Variants in NRCAM observed in about 807,000 individuals in gnomAD.
NRCAM encodes the protein neuronal cell adhesion molecule.
Under a neutral mutation model 156.5 loss-of-function variants are expected in NRCAM, and 83 were observed. The ratio of observed to expected loss-of-function variants is 0.53; its 90% confidence interval spans 0.44 to 0.64. The LOEUF (loss-of-function observed/expected upper bound fraction) is 0.64. Ranked by LOEUF, NRCAM falls within the 30% of genes least tolerant of loss-of-function variation. The probability of loss-of-function intolerance (pLI) is 0.00; values close to 1 mark genes in which losing one functional copy is unlikely to be tolerated. For synonymous variants in NRCAM, 538 were observed against 563.9 expected (o/e 0.95, Z 0.65); for missense variants, 1,417 against 1,597.3 (o/e 0.89, Z 1.92).
intron 13 of NRCAM, among the ~76,000 whole-genome samples, chr7:108,201,634 A>G (rs2078188825): frequency 6.6e-6 from 1 of 152,172 alleles, no homozygotes; most frequent in African/African-American, 2.4e-5. Flanking sequence ...AAAGCTCAAC[A>G]ATGTCAGTAG....
intron 1 of NRCAM, among the ~76,000 whole-genome samples, chr7:108,418,558 T>TAC (rs1491547189): frequency 4.2e-5 from 4 of 95,208 alleles, no homozygotes; most frequent in Admixed American, 1.2e-4. Flanking sequence ...GTATACATAT[T>TAC]ATACACACAC....
intron 4 of NRCAM, among the ~76,000 whole-genome samples, chr7:108,238,817 C>A (rs986998314): frequency 6.6e-6 from 1 of 151,990 alleles, no homozygotes; most frequent in Admixed American, 6.6e-5. Context: ...AAAAGCACTG[C>A]ATTTTATTGA....
intron 3 of NRCAM, among the ~76,000 whole-genome samples, chr7:108,244,465 T>A (rs1210309788): frequency 6.6e-6 from 1 of 152,134 alleles, no homozygotes; most frequent in Non-Finnish European, 1.5e-5. Flanking sequence ...AAGGAAGAAG[T>A]ACACAAATGC....
chr7:108,428,289 T>G (rs952014497), intron 1 of NRCAM, among the ~76,000 whole-genome samples: 5 of 152,166 alleles, frequency 3.3e-5, no homozygotes, highest in African/African-American at 1.2e-4. Flanking sequence ...GCTAGCATGG[T>G]GAAAAAAATT....
intron 1 of NRCAM, among the ~76,000 whole-genome samples, chr7:108,443,820 T>A (rs1461151606): frequency 6.6e-6 from 1 of 152,182 alleles, no homozygotes; most frequent in African/African-American, 2.4e-5. Context: ...ATTCAAGGAA[T>A]AACTTTCTAA....
chr7:108,197,440 A>G (rs1449913182), intron 14 of NRCAM, among the ~76,000 whole-genome samples: 2 of 152,226 alleles, frequency 1.3e-5, no homozygotes, highest in Non-Finnish European at 2.9e-5. Context: ...TTTGTCCAAT[A>G]TAAGAAATAC....
intron 1 of NRCAM, among the ~76,000 whole-genome samples, chr7:108,433,949 G>C (rs1828999146): frequency 6.6e-6 from 1 of 152,192 alleles, no homozygotes; most frequent in African/African-American, 2.4e-5. Context: ...AACACACACA[G>C]TGTTATGAAG....
At chr7:108,387,991 C>T (rs2099746818) in intron 2 of NRCAM, among the ~76,000 whole-genome samples, 1 of 152,116 alleles carries the variant, frequency 6.6e-6, no homozygotes, top group Non-Finnish European at 1.5e-5. Context: ...CAAGTCTTTG[C>T]TATTGTGAAT....
intron 2 of NRCAM, among the ~76,000 whole-genome samples, chr7:108,397,850 G>A (rs1336730938): frequency 6.6e-6 from 1 of 152,046 alleles, no homozygotes; most frequent in Admixed American, 6.6e-5. Flanking sequence ...AAACTGGAAA[G>A]GTCACCGTAT....
chr7:108,276,498 T>G (rs111681842), intron 3 of NRCAM, among the ~76,000 whole-genome samples: 6,502 of 152,276 alleles, frequency 0.043, 180 homozygotes, highest in South Asian at 0.12. Context: ...TGGCCTTCTT[T>G]GTCTCTTTTG....
intron 3 of NRCAM, among the ~76,000 whole-genome samples, chr7:108,270,309 T>C (rs1475370374): frequency 6.6e-6 from 1 of 152,234 alleles, no homozygotes; most frequent in Non-Finnish European, 1.5e-5. Context: ...AGTGATGCCT[T>C]TGCATGGTCC....
At chr7:108,364,179 T>C (rs1333703617) in intron 2 of NRCAM, among the ~76,000 whole-genome samples, 4 of 152,096 alleles carry the variant, frequency 2.6e-5, no homozygotes, top group Non-Finnish European at 5.9e-5. Flanking sequence ...GAAATAAAAT[T>C]TAAAAGATGG....
chr7:108,443,875 C>CAG (rs1841360030), intron 1 of NRCAM, among the ~76,000 whole-genome samples: 1 of 82,878 alleles, frequency 1.2e-5, no homozygotes, highest in Non-Finnish European at 2.8e-5. Context: ...ACAAAGTATA[C>CAG]AGATATAGAT....
intron 3 of NRCAM, among the ~76,000 whole-genome samples, chr7:108,247,491 A>G (rs2096023523): frequency 6.6e-6 from 1 of 152,240 alleles, no homozygotes; most frequent in African/African-American, 2.4e-5. Context: ...CACATACTTA[A>G]CTTACATTTC....
At chr7:108,436,769 C>A (rs1223885989) in intron 1 of NRCAM, among the ~76,000 whole-genome samples, 1 of 152,122 alleles carries the variant, frequency 6.6e-6, no homozygotes, top group Non-Finnish European at 1.5e-5. Context: ...TAATTTATGA[C>A]CTCTTATCAA....
At chr7:108,414,438 C>A (rs536397007) in intron 1 of NRCAM, among the ~76,000 whole-genome samples, 1 of 151,998 alleles carries the variant, frequency 6.6e-6, no homozygotes, top group South Asian at 2.1e-4. Context: ...TCTAGGGAAC[C>A]CAGGCTAAGA....
chr7:108,350,629 T>G (rs1484927657), intron 2 of NRCAM, among the ~76,000 whole-genome samples: 1 of 152,218 alleles, frequency 6.6e-6, no homozygotes, highest in East Asian at 1.9e-4. Context: ...TTTCTTTATT[T>G]TTTGTCTCAC....
chr7:108,398,621 T>C (rs1859768), intron 2 of NRCAM, among the ~76,000 whole-genome samples: 98,497 of 151,994 alleles, frequency 0.65, 32,187 homozygotes, highest in African/African-American at 0.7. Flanking sequence ...TTGTCCACCC[T>C]ACCCTGCTCT....
At chr7:108,304,135 C>G (rs1346590641) in intron 3 of NRCAM, among the ~76,000 whole-genome samples, 1 of 152,172 alleles carries the variant, frequency 6.6e-6, no homozygotes, top group African/African-American at 2.4e-5. Flanking sequence ...TACTTGTTTT[C>G]TCTTTTACTA....
Sources: allele counts gnomAD v4.1 joint callset (sites outside exome capture counted in the v4.1 genomes callset), GRCh38; gene constraint gnomAD v4.1.1; transcripts MANE v1.5; gene names NCBI Gene and HGNC (gene_info 2026-07-23, HGNC 2026-07-21).